Variants in EXT2 observed in about 807,000 individuals in gnomAD.
EXT2 encodes exostosin-2.
EXT2 carries 53 observed loss-of-function variants against 81.6 expected under a neutral mutation model. The ratio of observed to expected loss-of-function variants is 0.65; its 90% CI spans 0.52 to 0.82. The LOEUF is 0.82. Ranked by LOEUF, EXT2 falls within the 40% of genes least tolerant of loss-of-function variation. The pLI is 0.00. For synonymous variants in EXT2, 320 were observed against 340.0 expected (o/e 0.94, Z 0.65); for missense variants, 774 against 910.2 (o/e 0.85, Z 1.93).
At chr11:44,113,336 G>C (rs1954172447) in intron 3 of EXT2, among the ~76,000 whole-genome samples, 1 of 152,194 alleles carries the variant, frequency 6.6e-6, no homozygotes, top group Non-Finnish European at 1.5e-5. Flanking sequence ...AGACTTTGTA[G>C]TGTGTGTTGC....
At chr11:44,221,438 C>G (rs989345631) in intron 10 of EXT2, among the ~76,000 whole-genome samples, 12 of 152,198 alleles carry the variant, frequency 7.9e-5, no homozygotes, top group African/African-American at 2.7e-4. Context: ...TTCCCTCCCC[C>G]TGTTCAAAAT....
At chr11:44,207,904 T>A (rs1448680614) in intron 10 of EXT2, among the ~76,000 whole-genome samples, 2 of 151,922 alleles carry the variant, frequency 1.3e-5, no homozygotes, top group Non-Finnish European at 2.9e-5. Context: ...AAAGCTCAAG[T>A]TTTCCTAGGT....
rs1360382210 is a variant in EXT2 at position 44,244,470 on chromosome 11, C to T, written c.*183C>T. 8.0e-6 allele frequency: 5 copies of T among 622,898 alleles called. No individual in the cohort carries two copies. Among genetic ancestry groups the T allele is most frequent in the Non-Finnish European group, 1.4e-5 (5 of 351,066 alleles). The allele number at this position is 622,898 out of a possible 1,614,324, so 38.6% of individuals were successfully genotyped here. On this transcript the variant is annotated 3_prime_UTR_variant, in exon 14 of 14. Transcript: ENST00000533608. Reference sequence around the variant, plus strand: ...ACCTAGAATGAATATCCAAGCACCTCGAGCTATGCAACCTCTGTTCTTGTA... The same window carrying T: ...ACCTAGAATGAATATCCAAGCACCTTGAGCTATGCAACCTCTGTTCTTGTA...
At chr11:44,177,415 C>G (rs1296748581) in intron 8 of EXT2, among the ~76,000 whole-genome samples, 2 of 152,174 alleles carry the variant, frequency 1.3e-5, no homozygotes, top group Non-Finnish European at 2.9e-5. Context: ...CCTTCATCCG[C>G]ACATCTGGGG....
intron 1 of EXT2, among the ~76,000 whole-genome samples, chr11:44,102,482 A>C (rs931697578): frequency 4.1e-4 from 54 of 131,040 alleles, no homozygotes; most frequent in Non-Finnish European, 5.6e-4. Context: ...TTCTGAGATC[A>C]CCTCCCAAGT....
chr11:44,172,963 C>T (rs1350860701), intron 8 of EXT2, among the ~76,000 whole-genome samples: 1 of 152,188 alleles, frequency 6.6e-6, no homozygotes, highest in African/African-American at 2.4e-5. Flanking sequence ...TTCCTGCCCA[C>T]CTTCTTCCTT....
At position 44,117,259 on chromosome 11, in the gene EXT2, G is replaced by A. The variant is rs564698481; in HGVS notation, c.743+2958G>A. Among the ~76,000 whole-genome samples, 17 of 152,224 alleles carry A rather than the reference G, an allele frequency of 1.1e-4. No homozygotes were observed. The South Asian group carries it at 3.3e-3, about 30-fold the overall frequency. Reference sequence around the variant, plus strand: ...GCTGGGATTACAGGTGTGAGCCACCGCACCCGGCCTCACATTCTTGATAGT... The same window carrying A: ...GCTGGGATTACAGGTGTGAGCCACCACACCCGGCCTCACATTCTTGATAGT... On this transcript the variant is annotated intron_variant, in intron 4 of 13. Coordinates refer to ENST00000533608, the MANE Select transcript of EXT2 (RefSeq NM_207122.2).
At chr11:44,118,910 C>A (rs1954261325) in intron 4 of EXT2, among the ~76,000 whole-genome samples, 1 of 151,674 alleles carries the variant, frequency 6.6e-6, no homozygotes, top group South Asian at 2.1e-4. Context: ...TTACTTAAAT[C>A]TGTTCTGTGA....
At chr11:44,186,667 A>G (rs1955315176) in intron 8 of EXT2, among the ~76,000 whole-genome samples, 1 of 152,240 alleles carries the variant, frequency 6.6e-6, no homozygotes, top group Admixed American at 6.5e-5. Flanking sequence ...AAATGGGTTT[A>G]ACCTGTGAGC....
Position 44,108,356 on chromosome 11 carries a change from G to A in EXT2, c.536+108G>A, listed in dbSNP as rs556566410. On this transcript the variant is annotated intron_variant, in intron 2 of 13. Transcript: ENST00000533608. ...GCTTCTGCTCTTGAGTTGGTTTCCC[G>A]ATGCTGTCTTCTTGCAGGACGGGGT... is the stretch of plus-strand genomic sequence containing the variant. The A allele has an allele frequency of 3.5e-5, 42 of 1,212,628 alleles. No individual in the cohort carries two copies. The African/African-American group carries it at 5.4e-4, about 16-fold the overall frequency. 75.1% of individuals were successfully genotyped at this position (1,212,628 alleles called of 1,614,324 possible). A position where few individuals can be genotyped will look rare whatever the true frequency, so the allele number is the denominator to read the frequency against.
intron 10 of EXT2, among the ~76,000 whole-genome samples, chr11:44,222,011 A>G (rs1010928092): frequency 6.6e-6 from 1 of 152,222 alleles, no homozygotes; most frequent in Admixed American, 6.5e-5. Context: ...AATCAGTGTG[A>G]TATTTACAGC....
At chr11:44,154,593 T>TA (rs1169343150) in intron 7 of EXT2, among the ~76,000 whole-genome samples, 2 of 152,178 alleles carry the variant, frequency 1.3e-5, no homozygotes, top group African/African-American at 4.8e-5. Context: ...AGTGCTATTA[T>TA]AAGCATGGGA....
At chr11:44,239,469 T>C (rs997458043) in intron 13 of EXT2, among the ~76,000 whole-genome samples, 8 of 148,332 alleles carry the variant, frequency 5.4e-5, no homozygotes, top group African/African-American at 2.0e-4. Context: ...CTCGGCTCAC[T>C]GTAACCTCCG....
At chr11:44,151,744 G>C (rs1311816946) in intron 7 of EXT2, among the ~76,000 whole-genome samples, 2 of 152,136 alleles carry the variant, frequency 1.3e-5, no homozygotes, top group Non-Finnish European at 2.9e-5. Context: ...GAGCACAGTT[G>C]CTGGCTTGCA....
rs747830835 is a variant in EXT2 at position 44,107,805 on chromosome 11, C to T, written c.93C>T (p.Ser31=). The T allele has an allele frequency of 3.7e-6, 6 of 1,614,140 alleles. No individual in the cohort carries two copies. The Admixed American group carries it at 8.3e-5, about 22-fold the overall frequency. The change falls in exon 2 of 14, where the codon TCC becomes TCT. Residue 31 remains serine (S), a synonymous_variant. Coordinates refer to ENST00000533608, the MANE Select transcript of EXT2 (RefSeq NM_207122.2). ...GAATCTACTATATCACCCTCTTCTC[C>T]ATTGTCCTCCTGGGCCTCATTGCCA... ...KHRIYYITLF[S]IVLLGLIATG...
chr11:44,243,148 G>A (rs1180934352), intron 13 of EXT2, among the ~76,000 whole-genome samples: 1 of 152,144 alleles, frequency 6.6e-6, no homozygotes, highest in African/African-American at 2.4e-5. Flanking sequence ...CAGATGTCCT[G>A]GGCCCGACTG....
intron 9 of EXT2, 108 bp from the exon 10 acceptor site, chr11:44,206,685 C>T: frequency 8.7e-7 from 1 of 1,152,080 alleles, no homozygotes; most frequent in Non-Finnish European, 1.3e-6. Context: ...TTGATGAGAG[C>T]CGTGGATACA....
chr11:44,147,101 A>G (rs948058789), intron 7 of EXT2, among the ~76,000 whole-genome samples: 86 of 152,310 alleles, frequency 5.6e-4, no homozygotes, highest in African/African-American at 2.0e-3. Flanking sequence ...TTGTTGCCTC[A>G]CCTAGATGCA....
intron 6 of EXT2, among the ~76,000 whole-genome samples, chr11:44,127,804 T>C (rs1954431046): frequency 6.6e-6 from 1 of 152,176 alleles, no homozygotes; most frequent in South Asian, 2.1e-4. Flanking sequence ...GTCTAGAGTC[T>C]ATTGAATTTG....
Sources: allele counts gnomAD v4.1 joint callset (sites outside exome capture counted in the v4.1 genomes callset), GRCh38; gene constraint gnomAD v4.1.1; transcripts MANE v1.5; gene names NCBI Gene and HGNC (gene_info 2026-07-23, HGNC 2026-07-21).